Variants in USO1 observed in about 807,000 individuals in gnomAD.
The protein encoded by USO1 is general vesicular transport factor p115.
In USO1, 57 loss-of-function variants were observed where a neutral mutation model predicts 124.5. The ratio of observed to expected loss-of-function variants is 0.46; its 90% CI spans 0.37 to 0.57. The LOEUF (loss-of-function observed/expected upper bound fraction) is 0.57. Ranked by LOEUF, USO1 falls within the 20% of genes least tolerant of loss-of-function variation. The pLI, the probability that USO1 is intolerant of heterozygous loss-of-function variation, is 0.00. For synonymous variants in USO1, 369 were observed against 362.8 expected, an observed-to-expected ratio of 1.02 and a Z score of -0.19; for missense variants, 900 against 1,040.6, an observed-to-expected ratio of 0.86 and a Z score of 1.86.
At chr4:75,804,471 A>G (rs182175681) in intron 18 of USO1, among the ~76,000 whole-genome samples, 199 bp downstream of exon 18, 162 of 152,316 alleles carry the variant, frequency 1.1e-3, no homozygotes, top group African/African-American at 3.8e-3. Context: ...TTGAAGTCCA[A>G]GCTTCTTGCT....
At chr4:75,796,816 A>G (rs867072400) in intron 13 of USO1, among the ~76,000 whole-genome samples, 2 of 147,600 alleles carry the variant, frequency 1.4e-5, no homozygotes, top group African/African-American at 5.0e-5. Flanking sequence ...CCTTTTATTT[A>G]TATCCTCTGC....
At chr4:75,800,223 C>T in intron 14 of USO1, 128 bp from the exon 15 acceptor site, 1 of 1,146,290 alleles carries the variant, frequency 8.7e-7, no homozygotes, top group South Asian at 1.9e-5. Flanking sequence ...AGGCATGAGC[C>T]ACCACACCTA....
intron 4 of USO1, among the ~76,000 whole-genome samples, chr4:75,765,015 A>G (rs968398232): frequency 6.6e-6 from 1 of 152,202 alleles, no homozygotes; most frequent in Non-Finnish European, 1.5e-5. Context: ...TCAAGTTTTC[A>G]TTCTCTGCTA....
At chr4:75,770,719 C>A in intron 5 of USO1, 103 bp from the exon 6 acceptor site, 2 of 1,527,514 alleles carry the variant, frequency 1.3e-6, no homozygotes, top group African/African-American at 2.8e-5. Context: ...GCTAAACTTC[C>A]ATGTTTTACT....
At chr4:75,755,495 C>T (rs371995411) in intron 3 of USO1, 3 of 519,674 alleles carry the variant, frequency 5.8e-6, no homozygotes, top group South Asian at 1.4e-5. Context: ...AAGATACAAG[C>T]TTTTTAAAGA....
At chr4:75,773,738 A>G (rs1721997699) in intron 7 of USO1, among the ~76,000 whole-genome samples, 1 of 152,290 alleles carries the variant, frequency 6.6e-6, no homozygotes, top group East Asian at 1.9e-4. Flanking sequence ...TTTCTCTCAT[A>G]TTAATGTTGA....
chr4:75,804,698 C>T (rs1722945828), intron 18 of USO1, among the ~76,000 whole-genome samples: 2 of 152,164 alleles, frequency 1.3e-5, no homozygotes, highest in African/African-American at 4.8e-5. Flanking sequence ...TCAGTTTCCT[C>T]TTCTGCAAAA....
chr4:75,780,515 G>A (rs183558645), intron 8 of USO1, among the ~76,000 whole-genome samples: 47 of 150,164 alleles, frequency 3.1e-4, no homozygotes, highest in African/African-American at 6.9e-4. Flanking sequence ...CTCATGATTC[G>A]CCCACGTGGC....
chr4:75,810,642 G>T, intron 22 of USO1, 103 bp downstream of exon 22: 2 of 1,301,814 alleles, frequency 1.5e-6, no homozygotes, highest in South Asian at 1.7e-5. Context: ...GAAAGCTAAT[G>T]ATGTGTAATT....
In USO1 at chr4:75,797,178, C is replaced by A. The variant is rs185892906; in HGVS notation, c.1453-2444C>A. On this transcript the variant is annotated intron_variant, in intron 13 of 23. Coordinates refer to ENST00000514213, the MANE Select transcript of USO1 (RefSeq NM_003715.4). ...AGCGAGACCTGGTCTCCAATCCCCC[C>A]AAAAAAGACTTTATAAGGAATTATA... Among the ~76,000 whole-genome samples the A allele has an allele frequency of 9.4e-3, 1,426 of 151,784 alleles. 7 individuals are homozygous for A. Among genetic ancestry groups the A allele is most frequent in the Admixed American group, 0.02 (311 of 15,236 alleles).
intron 7 of USO1, among the ~76,000 whole-genome samples, chr4:75,771,393 C>T (rs948787823): frequency 3.9e-5 from 6 of 152,186 alleles, no homozygotes; most frequent in East Asian, 3.8e-4. Flanking sequence ...AGCCACTGAG[C>T]GTGGCTGGAG....
At chr4:75,794,118 A>T (rs984071875) in intron 13 of USO1, among the ~76,000 whole-genome samples, 1 of 152,194 alleles carries the variant, frequency 6.6e-6, no homozygotes, top group Non-Finnish European at 1.5e-5. Context: ...TCATGATGAA[A>T]ATACATGTTC....
chr4:75,734,369 C>T (rs538188773), intron 1 of USO1, among the ~76,000 whole-genome samples: 1 of 152,198 alleles, frequency 6.6e-6, no homozygotes, highest in Non-Finnish European at 1.5e-5. Context: ...TCCAGTTATC[C>T]CAGCACCATT....
At chr4:75,763,827 G>T (rs1394669021) in intron 4 of USO1, among the ~76,000 whole-genome samples, 2 of 152,000 alleles carry the variant, frequency 1.3e-5, no homozygotes, top group African/African-American at 4.8e-5. Context: ...TTGCTTACAC[G>T]TATAATTGGT....
chr4:75,811,209 G>A (rs113200275), intron 22 of USO1, among the ~76,000 whole-genome samples: 6 of 150,630 alleles, frequency 4.0e-5, no homozygotes, highest in Non-Finnish European at 7.4e-5. Flanking sequence ...TGGATGGAGT[G>A]CAGTGGCATG....
intron 1 of USO1, among the ~76,000 whole-genome samples, chr4:75,742,763 T>C (rs1016095391): frequency 2.6e-5 from 4 of 152,228 alleles, no homozygotes; most frequent in Non-Finnish European, 5.9e-5. Context: ...CTAGATTACA[T>C]TAAAATCTGA....
In USO1 at chr4:75,800,486, T is replaced by C. The variant is rs1305105717; in HGVS notation, c.1682+17T>C. 1.9e-6 allele frequency: 3 copies of C among 1,573,080 alleles called. No homozygotes were observed. Among genetic ancestry groups the C allele is most frequent in the East Asian group, 2.3e-5 (1 of 44,010 alleles). On this transcript the variant is annotated intron_variant, in intron 15 of 23. Transcript: ENST00000514213. ...CTACATGAAGTAAGTAAGGGGAAGA[T>C]GGTTTTCTAATGGCATCAAGAGATA... is the stretch of plus-strand genomic sequence containing the variant.
chr4:75,809,708 CAT>C (rs1323245473), intron 21 of USO1, among the ~76,000 whole-genome samples: 1 of 152,208 alleles, frequency 6.6e-6, no homozygotes, highest in Non-Finnish European at 1.5e-5. Context: ...CTTTAACATT[CAT>C]ATTTCTGCCA....
chr4:75,737,751 T>A (rs1720835411), intron 1 of USO1, among the ~76,000 whole-genome samples: 1 of 152,136 alleles, frequency 6.6e-6, no homozygotes, highest in Non-Finnish European at 1.5e-5. Flanking sequence ...AAATGCTGGC[T>A]TAAAATTTAT....
Sources: gnomAD v4.1 joint callset for allele counts (sites outside exome capture counted in the v4.1 genomes callset) on GRCh38, gnomAD v4.1.1 for gene constraint, MANE v1.5 for transcripts, NCBI Gene and HGNC (gene_info 2026-07-23, HGNC 2026-07-21) for gene names.